Variants in GCM1 observed in about 807,000 individuals in gnomAD.
GCM1 encodes GCM transcription factor 1, also known as chorion-specific transcription factor GCMa.
A neutral mutation model predicts 25.7 loss-of-function variants in GCM1; 2 were observed. The observed-to-expected ratio is 0.08, with a 90% CI of 0.03 to 0.24. The LOEUF (loss-of-function observed/expected upper bound fraction) is 0.24, where lower values mean the gene tolerates loss of function less well. Among genes scored for constraint, GCM1 ranks in the 10% least tolerant of loss-of-function variants. The pLI is 1.00. For missense variants in GCM1, 395 were observed against 538.7 expected, an observed-to-expected ratio of 0.73 and a Z score of 2.64; for synonymous variants, 183 against 195.7, an observed-to-expected ratio of 0.94 and a Z score of 0.54.
intron 5 of GCM1, 69 bp downstream of exon 5, chr6:53,130,734 A>G (rs576431943): frequency 7.3e-7 from 1 of 1,376,106 alleles, no homozygotes; most frequent in South Asian, 1.4e-5. Flanking sequence ...GGGACCCAGG[A>G]AATCTACCGC....
At chr6:53,133,331 A>ATGTGTG (rs5876306) in intron 3 of GCM1, among the ~76,000 whole-genome samples, 4,798 of 145,146 alleles carry the variant, frequency 0.033, 82 homozygotes, top group East Asian at 0.082. Flanking sequence ...CACCCGGCAA[A>ATGTGTG]TGTGTGTGTG....
intron 2 of GCM1, among the ~76,000 whole-genome samples, chr6:53,135,404 G>T (rs1160223699): frequency 6.6e-6 from 1 of 152,152 alleles, no homozygotes; most frequent in African/African-American, 2.4e-5. Flanking sequence ...GTAATGTAGG[G>T]ATAATGAGAC....
intron 2 of GCM1, among the ~76,000 whole-genome samples, chr6:53,144,190 G>C (rs1763919653): frequency 6.6e-6 from 1 of 152,168 alleles, no homozygotes; most frequent in Non-Finnish European, 1.5e-5. Flanking sequence ...GAGAAGGTGA[G>C]ACGGAAGGGT....
Position 53,146,591 on chromosome 6 carries a change from G to T in GCM1, c.-136-823C>A, listed in dbSNP as rs1383651226. On this transcript the variant is annotated intron_variant, in intron 1 of 5. Transcript: ENST00000259803. ...TTGGTCTCTGCAATAAATCCTGTGC[G>T]CACGATATATCTTCAAATATTATCA... Among the ~76,000 whole-genome samples the T allele has an allele frequency of 4.6e-5, 7 of 152,258 alleles. No individual in the cohort carries two copies. The South Asian group carries it at 1.2e-3, about 27-fold the overall frequency.
intron 1 of GCM1, among the ~76,000 whole-genome samples, chr6:53,148,136 T>C (rs941779258): frequency 6.6e-6 from 1 of 152,324 alleles, no homozygotes; most frequent in Admixed American, 6.5e-5. Context: ...ACTGAAGAAA[T>C]GATGCCGCAA....
intron 2 of GCM1, among the ~76,000 whole-genome samples, chr6:53,136,308 A>C (rs918679123): frequency 2.6e-5 from 4 of 152,244 alleles, no homozygotes; most frequent in Non-Finnish European, 5.9e-5. Flanking sequence ...AATATTTACT[A>C]TCTGACTCTT....
chr6:53,135,850 G>A (rs757050653), intron 2 of GCM1, among the ~76,000 whole-genome samples: 4 of 152,204 alleles, frequency 2.6e-5, no homozygotes, highest in Middle Eastern at 3.2e-3. Flanking sequence ...CAGGATTGAC[G>A]GGCATTTACT....
intron 2 of GCM1, among the ~76,000 whole-genome samples, chr6:53,139,198 G>A (rs956290110): frequency 6.6e-6 from 1 of 151,546 alleles, no homozygotes; most frequent in African/African-American, 2.4e-5. Flanking sequence ...TTATATAGAG[G>A]TACAAAAATC....
intron 4 of GCM1, among the ~76,000 whole-genome samples, chr6:53,131,659 C>T (rs1209679776): frequency 3.3e-5 from 5 of 152,270 alleles, no homozygotes; most frequent in Non-Finnish European, 5.9e-5. Context: ...AAATCACCTG[C>T]TCAGGTTTAA....
intron 5 of GCM1, among the ~76,000 whole-genome samples, chr6:53,130,107 A>T (rs1432025351): frequency 1.3e-5 from 2 of 152,294 alleles, no homozygotes; most frequent in African/African-American, 4.8e-5. Flanking sequence ...CCTACAACAG[A>T]TCCACATTAC....
At position 53,127,408 on chromosome 6, in the gene GCM1, C is replaced by T. The variant is rs368216279; in HGVS notation, c.*798G>A. On this transcript the variant is annotated 3_prime_UTR_variant, in exon 6 of 6. Coordinates refer to ENST00000259803, the MANE Select transcript of GCM1 (RefSeq NM_003643.4). ...TAGTCTCACAACTAGACAACATATT[C>T]AGTACTTCAGTGGTAGAATCTTCAG... The T allele has an allele frequency of 3.9e-5, 6 of 152,308 alleles. No homozygotes were observed. In the East Asian group the frequency reaches 1.2e-3, roughly 29 times the overall value. 9.4% of individuals were successfully genotyped at this position (152,308 alleles called of 1,614,324 possible). A position where few individuals can be genotyped will look rare whatever the true frequency, so the allele number is the denominator to read the frequency against.
At position 53,140,094 on chromosome 6, in the gene GCM1, A is replaced by C. The variant is rs114648182; in HGVS notation, c.75+5464T>G. On this transcript the variant is annotated intron_variant, in intron 2 of 5. Transcript: ENST00000259803. ...CAGAGTGGCAGAAGAATTCTGGTCC[A>C]AATAGCAGAGGCCCCAGTGATCATG... is the stretch of plus-strand genomic sequence containing the variant. Among the ~76,000 whole-genome samples, 1,173 of 152,236 alleles carry C rather than the reference A, an allele frequency of 7.7e-3. 18 individuals are homozygous for C. The highest frequency in any genetic ancestry group is 0.027 in the African/African-American group (1,112 of 41,514).
Position 53,145,674 on chromosome 6 carries a change from C to T in GCM1, c.-42G>A. ...CCAAGGTTTTCACCTATTCGACTCC[C>T]CTCAGAAATGCTTGAGAATTTTGTT... On this transcript the variant is annotated 5_prime_UTR_variant, in exon 2 of 6. Coordinates refer to ENST00000259803, the MANE Select transcript of GCM1 (RefSeq NM_003643.4). 1 of 1,095,854 alleles carries T rather than the reference C, an allele frequency of 9.1e-7. No individual in the cohort carries two copies. Among genetic ancestry groups the T allele is most frequent in the East Asian group, 2.4e-5 (1 of 42,346 alleles). 67.9% of individuals were successfully genotyped at this position (1,095,854 alleles called of 1,614,324 possible).
chr6:53,128,166 A>G lies in GCM1; in HGVS notation c.*40T>C, dbSNP rs372692867. 5 of 1,525,068 alleles carry G rather than the reference A, an allele frequency of 3.3e-6. No homozygotes were observed. The South Asian group carries it at 3.7e-5, about 11-fold the overall frequency. The allele number at this position is 1,525,068 out of a possible 1,614,324, so 94.5% of individuals were successfully genotyped here. The stretch of plus-strand genomic sequence containing the variant: ...AAGGAAATTCTTTCAGCCCTTCCCC[A>G]TTTTTGAGGGGCTGGGGTGCACATA... On this transcript the variant is annotated 3_prime_UTR_variant, in exon 6 of 6. Coordinates refer to ENST00000259803, the MANE Select transcript of GCM1 (RefSeq NM_003643.4).
At chr6:53,136,743 G>C (rs1485549908) in intron 2 of GCM1, among the ~76,000 whole-genome samples, 1 of 152,128 alleles carries the variant, frequency 6.6e-6, no homozygotes, top group Non-Finnish European at 1.5e-5. Context: ...GGGAGGCTGA[G>C]GCAGGTGGAT....
At chr6:53,129,004 A>G (rs1156976524) in intron 5 of GCM1, 58 bp from the exon 6 acceptor site, 8 of 1,364,782 alleles carry the variant, frequency 5.9e-6, no homozygotes, top group Non-Finnish European at 8.1e-6. Flanking sequence ...AACCACTGCC[A>G]TAGGCACCCA....
chr6:53,148,497 C>A (rs1252614813), intron 1 of GCM1, among the ~76,000 whole-genome samples: 3 of 152,094 alleles, frequency 2.0e-5, no homozygotes, highest in African/African-American at 4.8e-5. Flanking sequence ...TAATATTTCC[C>A]TAAAAGTTAA....
intron 1 of GCM1, among the ~76,000 whole-genome samples, 187 bp from the exon 2 acceptor site, chr6:53,145,955 A>G (rs1253972811): frequency 3.3e-5 from 5 of 152,054 alleles, no homozygotes; most frequent in Non-Finnish European, 7.4e-5. Context: ...GAAGCGTGTG[A>G]TCACTGCTTT....
In GCM1 at chr6:53,133,744, T is replaced by C. The variant is rs182716293; in HGVS notation, c.328+328A>G. Among the ~76,000 whole-genome samples the C allele has an allele frequency of 5.3e-5, 8 of 152,296 alleles. No individual in the cohort carries two copies. In the South Asian group the frequency reaches 8.3e-4, roughly 16 times the overall value. ...CCTGGCCTCAATTTATCCTCTCATC[T>C]TGGCCTCCCAAAGTGCTGAGATTAC... On this transcript the variant is annotated intron_variant, in intron 3 of 5. Coordinates refer to ENST00000259803, the MANE Select transcript of GCM1 (RefSeq NM_003643.4).
Sources: allele counts gnomAD v4.1 joint callset (sites outside exome capture counted in the v4.1 genomes callset), GRCh38; gene constraint gnomAD v4.1.1; transcripts MANE v1.5; gene names NCBI Gene and HGNC (gene_info 2026-07-23, HGNC 2026-07-21).